HMGXB3: variants seen among roughly 807,000 people sequenced by gnomAD.
The protein encoded by HMGXB3 is HMG domain-containing protein 3.
Under a neutral mutation model 121.5 loss-of-function variants are expected in HMGXB3, and 45 were observed. The observed-to-expected ratio is 0.37, with a 90% confidence interval of 0.29 to 0.47. The LOEUF is 0.47. Among genes scored for constraint, HMGXB3 ranks in the 20% least tolerant of loss-of-function variants. The pLI is 0.99. For missense variants in HMGXB3, 1,376 were observed against 1,602.2 expected, an observed-to-expected ratio of 0.86 and a Z score of 2.41; for synonymous variants, 590 against 624.1, an observed-to-expected ratio of 0.95 and a Z score of 0.81.
chr5:150,044,258 C>T (rs545027526), intron 15 of HMGXB3, among the ~76,000 whole-genome samples: 1 of 152,264 alleles, frequency 6.6e-6, no homozygotes, highest in African/African-American at 2.4e-5. Flanking sequence ...CATGAAGAGA[C>T]TTGTCAGCCC....
chr5:150,023,252 C>T (rs1756144126), intron 6 of HMGXB3, among the ~76,000 whole-genome samples: 1 of 152,166 alleles, frequency 6.6e-6, no homozygotes, highest in African/African-American at 2.4e-5. Context: ...AGACACTAAA[C>T]TTTCTGTAAT....
In HMGXB3 at chr5:150,036,728, G is replaced by T. The variant is rs1756508411; in HGVS notation, c.2076G>T (p.Leu692=). 1.3e-6 allele frequency: 2 copies of T among 1,551,638 alleles called. No individual in the cohort carries two copies. The highest frequency in any genetic ancestry group is 1.7e-4 in the Middle Eastern group (1 of 5,884). The change falls in exon 12 of 20, where the codon CTG becomes CTT. Residue 692 remains leucine, a synonymous_variant. Transcript: ENST00000502717. ...TCCAGCGCCAGTCCACACTGCAGCT[G>T]CTGCGCAAAGTCCTGCAGATTCCTG... ...REIQRQSTLQ[L]LRKVLQIPEN...
At chr5:150,026,465 C>G (rs903337723) in intron 7 of HMGXB3, among the ~76,000 whole-genome samples, 2 of 152,174 alleles carry the variant, frequency 1.3e-5, no homozygotes, top group Admixed American at 6.5e-5. Context: ...CGCAATGACC[C>G]CATACTGTAT....
rs1043205437 is a variant in HMGXB3, at chr5:150,041,963, C to T, written c.2724C>T (p.Ser908=). ...RSEENVLALK[S]VEFTWPEFLG... Reference sequence around the variant, plus strand: ...AAGAGAATGTGCTAGCACTGAAGAGCGTGGAGGTAAGTGCCTCTTAGCCAC... The same window carrying T: ...AAGAGAATGTGCTAGCACTGAAGAGTGTGGAGGTAAGTGCCTCTTAGCCAC... Residue 908 remains serine (S), a synonymous_variant, in exon 15 of 20, where the codon AGC becomes AGT. Transcript: ENST00000502717. 28 of 1,550,616 alleles carry T rather than the reference C, an allele frequency of 1.8e-5. No individual in the cohort carries two copies. Among genetic ancestry groups the T allele is most frequent in the Non-Finnish European group, 2.3e-5 (26 of 1,146,328 alleles).
rs1416545640 is a variant in HMGXB3 at position 150,024,289 on chromosome 5, T to C, written c.1069T>C (p.Leu357=). The stretch of plus-strand genomic sequence containing the variant: ...AAAGCCAGCCAAAGTAAAAGTGGAA[T>C]TGGCTTCTGGCGTCTCTTCCAAAGG... ...KEKPAKVKVE[L]ASGVSSKGSV... Residue 357 remains leucine (L), a synonymous_variant, in exon 7 of 20, where the codon TTG becomes CTG. Coordinates refer to ENST00000502717, the MANE Select transcript of HMGXB3 (RefSeq NM_014983.3). The C allele has an allele frequency of 3.1e-5, 47 of 1,538,676 alleles. No individual in the cohort carries two copies. Among genetic ancestry groups the C allele is most frequent in the Non-Finnish European group, 3.9e-5 (44 of 1,142,840 alleles).
intron 18 of HMGXB3, among the ~76,000 whole-genome samples, chr5:150,049,646 C>T (rs216128): frequency 0.58 from 88,513 of 152,038 alleles, 27,471 homozygotes; most frequent in Non-Finnish European, 0.7. Context: ...GCTGACAGCA[C>T]GGGGAGAGCT....
At chr5:150,005,794 A>G (rs1181322932) in intron 2 of HMGXB3, among the ~76,000 whole-genome samples, 1 of 152,160 alleles carries the variant, frequency 6.6e-6, no homozygotes, top group Non-Finnish European at 1.5e-5. Flanking sequence ...GGGAGGTGCC[A>G]TTGACCAGGT....
At chr5:150,034,582 C>A (rs937732573) in intron 11 of HMGXB3, among the ~76,000 whole-genome samples, 1 of 152,112 alleles carries the variant, frequency 6.6e-6, no homozygotes, top group African/African-American at 2.4e-5. Flanking sequence ...AAACTTATAT[C>A]CATCTGTATT....
At position 150,030,988 on chromosome 5, in the gene HMGXB3, C is replaced by G. The variant is rs1355549287; in HGVS notation, c.1833+149C>G. On this transcript the variant is annotated intron_variant, in intron 10 of 19. Transcript: ENST00000502717. ...GATTGTTAATGATGAAGATCCCATCCCTGATGCAAATAATAGCTACTGGAT... is the reference window on the plus strand; with the variant it reads ...GATTGTTAATGATGAAGATCCCATCGCTGATGCAAATAATAGCTACTGGAT... 5.0e-6 allele frequency: 3 copies of G among 602,800 alleles called. No individual in the cohort carries two copies. The African/African-American group carries it at 5.6e-5, about 11-fold the overall frequency. 37.3% of individuals were successfully genotyped at this position (602,800 alleles called of 1,614,324 possible).
In HMGXB3 at chr5:150,001,269, A is replaced by G. The variant is rs958263329; in HGVS notation, c.-3+90A>G. The G allele has an allele frequency of 4.6e-5, 7 of 152,516 alleles. No individual in the cohort carries two copies. In the East Asian group the frequency reaches 1.2e-3, roughly 25 times the overall value. 9.4% of individuals were successfully genotyped at this position (152,516 alleles called of 1,614,324 possible). ...TCTGAGCCTCTACTGAGTCTTCCACAAAGTAGGGCCACTGAGCCTTAGTGT... is the reference window on the plus strand; with the variant it reads ...TCTGAGCCTCTACTGAGTCTTCCACGAAGTAGGGCCACTGAGCCTTAGTGT... On this transcript the variant is annotated intron_variant, in intron 1 of 19. Transcript: ENST00000502717.
At chr5:150,051,104 C>G (rs1003488595) in intron 19 of HMGXB3, among the ~76,000 whole-genome samples, 1 of 152,176 alleles carries the variant, frequency 6.6e-6, no homozygotes, top group African/African-American at 2.4e-5. Context: ...AGCTAAGGCC[C>G]AGAGGAGGAA....
At chr5:150,002,197 T>C (rs1055269977) in intron 1 of HMGXB3, among the ~76,000 whole-genome samples, 13 of 152,310 alleles carry the variant, frequency 8.5e-5, no homozygotes, top group East Asian at 3.9e-4. Context: ...CTGAAAATTA[T>C]AGGTGAAATA....
chr5:150,008,901 C>T (rs1413940835), intron 3 of HMGXB3, among the ~76,000 whole-genome samples: 1 of 152,212 alleles, frequency 6.6e-6, no homozygotes, highest in Non-Finnish European at 1.5e-5. Flanking sequence ...TATGTTTCAT[C>T]TGAGTGCTGC....
At chr5:150,022,869 A>C (rs1199455516) in intron 6 of HMGXB3, among the ~76,000 whole-genome samples, 1 of 139,960 alleles carries the variant, frequency 7.1e-6, no homozygotes, top group Non-Finnish European at 1.5e-5. Context: ...TCTGTCACCC[A>C]GGCATGAATA....
chr5:150,012,345 A>G lies in HMGXB3; in HGVS notation c.901A>G (p.Ile301Val), dbSNP rs899701278. The G allele has an allele frequency of 3.9e-6, 6 of 1,550,722 alleles. No homozygotes were observed. Among genetic ancestry groups the G allele is most frequent in the Non-Finnish European group, 8.7e-7 (1 of 1,145,720 alleles). ...AYSVVENPTS[I>V]KLTTTYTRRG... ...CTCGGTTGTGGAGAACCCCACCTCC[A>G]TCAAACTGGTCAGTACTGTATGTGG... is the stretch of plus-strand genomic sequence containing the variant. Residue 301 changes from isoleucine to valine, a missense_variant, in exon 5 of 20, where the codon ATC becomes GTC. This residue lies in a region of HMGXB3 where 1,116 missense variants were observed against 1,369.0 expected (regional missense o/e 0.82). Coordinates refer to ENST00000502717, the MANE Select transcript of HMGXB3 (RefSeq NM_014983.3).
At chr5:150,048,727 T>C (rs369824169) in intron 18 of HMGXB3, 42 bp downstream of exon 18, 2 of 1,368,564 alleles carry the variant, frequency 1.5e-6, no homozygotes, top group Non-Finnish European at 2.0e-6. Context: ...AATTTGCTAA[T>C]GTTGAACTTC....
rs79084517 is a variant in HMGXB3, at chr5:150,005,162, C to T, written c.137+173C>T. ...TTTCTGCCAGCATTGCCATTACTGG[C>T]CAGACTTTGCTTTTGTTTTCAAGTT... On this transcript the variant is annotated intron_variant, in intron 2 of 19. Transcript: ENST00000502717. Among the ~76,000 whole-genome samples, 869 of 148,168 alleles carry T rather than the reference C, an allele frequency of 5.9e-3. 26 individuals carry two copies. In the East Asian group the frequency reaches 0.073, roughly 13 times the overall value.
chr5:150,024,339 A>G lies in HMGXB3; in HGVS notation c.1119A>G (p.Gln373=), dbSNP rs1756170783. The change falls in exon 7 of 20, where the codon CAA becomes CAG. Residue 373 remains glutamine, a synonymous_variant. Transcript: ENST00000502717. ...SKGSVVKRNQ[Q]PVTTEQNSSK... ...GCTCTGTGGTGAAAAGAAATCAGCA[A>G]CCTGTCACCACTGAGCAAAATTCCT... is the stretch of plus-strand genomic sequence containing the variant. The G allele has an allele frequency of 1.3e-5, 20 of 1,551,576 alleles. No individual in the cohort carries two copies. Among genetic ancestry groups the G allele is most frequent in the Non-Finnish European group, 1.7e-5 (19 of 1,146,994 alleles).
chr5:150,010,295 A>G lies in HMGXB3; in HGVS notation c.497A>G (p.Asn166Ser), dbSNP rs964151765. 2.6e-6 allele frequency: 4 copies of G among 1,551,762 alleles called. No homozygotes were observed. Among genetic ancestry groups the G allele is most frequent in the Non-Finnish European group, 2.6e-6 (3 of 1,147,008 alleles). Residue 166 changes from asparagine (N) to serine (S), a missense_variant, in exon 4 of 20, where the codon AAC becomes AGC. Around this residue, in one of 2 missense-constraint regions of HMGXB3, gnomAD observed 1,116 missense variants for 1,369.0 expected, o/e 0.82. Coordinates refer to ENST00000502717, the MANE Select transcript of HMGXB3 (RefSeq NM_014983.3). ...CCGAAAGGACCTCCTCTTGTGTCCA[A>G]CACTGCCCCGGAGACAGTGCCCAGC... ...MSPKGPPLVS[N>S]TAPETVPSHA... is the part of the protein sequence containing the mutation.
Sources: allele counts gnomAD v4.1 joint callset (sites outside exome capture counted in the v4.1 genomes callset), GRCh38; gene constraint gnomAD v4.1.1; regional missense constraint gnomAD v4.1.1; transcripts MANE v1.5; gene names NCBI Gene and HGNC (gene_info 2026-07-23, HGNC 2026-07-21).